The following CDKL5 variants were observed in gnomAD, a reference collection of about 807,000 sequenced individuals.
CDKL5 encodes cyclin-dependent kinase-like 5.
Under a neutral mutation model 61.7 loss-of-function variants are expected in CDKL5, and 8 were observed. The observed-to-expected ratio is 0.13, with a 90% CI of 0.08 to 0.23. The LOEUF (loss-of-function observed/expected upper bound fraction) is 0.23, where lower values mean the gene tolerates loss of function less well. CDKL5 is among the 10% of genes least tolerant of loss of function. The probability of loss-of-function intolerance (pLI) is 1.00; values close to 1 mark genes in which losing one functional copy is unlikely to be tolerated. For synonymous variants in CDKL5, 275 were observed against 272.3 expected (o/e 1.01, Z -0.10); for missense variants, 440 against 734.5 (o/e 0.60, Z 4.63).
chrX:18,523,720 C>A (rs905649111), intron 3 of CDKL5, among the ~76,000 whole-genome samples: 2 of 111,364 alleles, frequency 1.8e-5, no homozygotes, highest in African/African-American at 6.5e-5. Context: ...AGAATGTACA[C>A]CACATTTTGT....
At chrX:18,538,495 A>C (rs145835364) in intron 3 of CDKL5, among the ~76,000 whole-genome samples, 2,394 of 111,080 alleles carry the variant, frequency 0.022, 51 homozygotes, top group African/African-American at 0.062. Context: ...AATCTGAGAA[A>C]TCTGCCTGGC....
chrX:18,476,765 T>C (rs1921327934), intron 1 of CDKL5, among the ~76,000 whole-genome samples: 2 of 112,126 alleles, frequency 1.8e-5, no homozygotes, highest in Non-Finnish European at 3.8e-5. Flanking sequence ...AGACAACATA[T>C]AGTTGAATCT....
chrX:18,478,224 T>A (rs1384409707), intron 1 of CDKL5, among the ~76,000 whole-genome samples: 1 of 110,341 alleles, frequency 9.1e-6, no homozygotes, highest in Non-Finnish European at 1.9e-5. Flanking sequence ...TCCTTTTCTT[T>A]CATCGCTTTG....
In CDKL5 at chrX:18,634,515, C is replaced by T. The variant is rs137870603; in HGVS notation, c.*5758C>T. ...AAAACAAAAAAGATGCTTATCGTCC[C>T]GGAGAATGTGTAAGTAAGTTCTCCA... is the stretch of plus-strand genomic sequence containing the variant. On this transcript the variant is annotated 3_prime_UTR_variant, in exon 18 of 18. Transcript: ENST00000623535. 3.5e-4 allele frequency: 264 copies of T among 752,422 alleles called. No individual in the cohort carries two copies. The African/African-American group carries it at 4.0e-3, about 11-fold the overall frequency. The allele number at this position is 752,422 out of a possible 1,213,427, so 62.0% of individuals were successfully genotyped here.
intron 21 of CDKL5, among the ~76,000 whole-genome samples, chrX:18,651,900 A>C (rs1038595445): frequency 9.1e-6 from 1 of 110,407 alleles, no homozygotes; most frequent in African/African-American, 3.3e-5. Context: ...TCAGGTCCAC[A>C]TGTGGCCTGC....
At chrX:18,650,705 T>C (rs1381863100) in intron 21 of CDKL5, 23 of 887,956 alleles carry the variant, frequency 2.6e-5, no homozygotes, top group African/African-American at 3.9e-5. Flanking sequence ...TCTGACATCA[T>C]TGGCCTGGGC....
At chrX:18,619,410 G>A (rs940334169) in intron 15 of CDKL5, among the ~76,000 whole-genome samples, 1 of 111,425 alleles carries the variant, frequency 9.0e-6, no homozygotes, top group Non-Finnish European at 1.9e-5. Flanking sequence ...TTTTATAGCT[G>A]TATTGATCTT....
intron 3 of CDKL5, among the ~76,000 whole-genome samples, chrX:18,518,596 G>A (rs1246802370): frequency 9.4e-6 from 1 of 106,302 alleles, no homozygotes; most frequent in African/African-American, 3.4e-5. Flanking sequence ...AGTAGAGATG[G>A]CGTTTTACCA....
At position 18,646,009 on chromosome X, in the gene CDKL5, G is replaced by A. The variant is rs369009993; in HGVS notation, c.2716G>A (p.Gly906Ser). The change falls in exon 20 of 22, where the codon GGT becomes AGT. Residue 906 changes from glycine (G) to serine (S), a missense_variant and splice_region_variant. Coordinates refer to the CDKL5 transcript ENST00000379989. ...TTTTGTTTCTCCCCACTAACTAGAC[G>A]GTGGATGTGATGGCAGAAGACAGAG... The A allele has an allele frequency of 2.5e-5, 30 of 1,209,542 alleles. No homozygotes were observed. The highest frequency in any genetic ancestry group is 3.5e-5 in the African/African-American group (2 of 56,974).
chrX:18,561,055 C>T (rs1245791767), intron 3 of CDKL5, among the ~76,000 whole-genome samples: 1 of 110,350 alleles, frequency 9.1e-6, no homozygotes, highest in Non-Finnish European at 1.9e-5. Context: ...TTTTCTTCTT[C>T]TTGGAAAAAT....
chrX:18,468,754 T>A (rs886175147), intron 1 of CDKL5, among the ~76,000 whole-genome samples: 1 of 111,659 alleles, frequency 9.0e-6, no homozygotes, highest in African/African-American at 3.3e-5. Context: ...CTTCTAGGGT[T>A]GGGTTTTCAG....
chrX:18,502,681 G>A (rs1444636863), intron 1 of CDKL5, among the ~76,000 whole-genome samples: 2 of 111,609 alleles, frequency 1.8e-5, no homozygotes, highest in East Asian at 2.8e-4. Flanking sequence ...CTGAAGTATG[G>A]TCTATTCTGG....
rs1347822700 is a variant in CDKL5, at chrX:18,599,858, A to G, written c.977+1245A>G. 6.3e-5 allele frequency among the ~76,000 whole-genome samples: 7 copies of G among 111,940 alleles called. No individual in the cohort carries two copies. In the East Asian group the frequency reaches 2.0e-3, roughly 31 times the overall value. On this transcript the variant is annotated intron_variant, in intron 11 of 17. Coordinates refer to ENST00000623535, the MANE Select transcript of CDKL5 (RefSeq NM_001323289.2). ...TAGAACCATTGTTCTTTTTTGAGAC[A>G]GTGTCTTGCTCGATTGCTCAGGCTG...
chrX:18,623,671 A>G (rs780765863), intron 16 of CDKL5, among the ~76,000 whole-genome samples: 24 of 111,525 alleles, frequency 2.2e-4, no homozygotes, highest in African/African-American at 7.8e-4. Flanking sequence ...TTATATACTT[A>G]GAAGAAGTTT....
intron 9 of CDKL5, among the ~76,000 whole-genome samples, chrX:18,594,002 A>G (rs1262234254): frequency 1.8e-5 from 2 of 112,519 alleles, no homozygotes; most frequent in African/African-American, 6.5e-5. Context: ...TCCCAACCAG[A>G]CAGCAGATTC....
intron 1 of CDKL5, among the ~76,000 whole-genome samples, chrX:18,483,217 C>T (rs1921652907): frequency 9.0e-6 from 1 of 111,551 alleles, no homozygotes; most frequent in Admixed American, 9.6e-5. Context: ...ATCTTGAATC[C>T]TCTTCATTAG....
At chrX:18,516,092 A>G (rs1923004666) in intron 3 of CDKL5, among the ~76,000 whole-genome samples, 1 of 109,713 alleles carries the variant, frequency 9.1e-6, no homozygotes, top group Non-Finnish European at 1.9e-5. Context: ...GGTTCAAACA[A>G]TTCTTATACC....
chrX:18,629,322 T>C lies in CDKL5; in HGVS notation c.*565T>C. 1 of 647,563 alleles carries C rather than the reference T, an allele frequency of 1.5e-6. No individual in the cohort carries two copies. The highest frequency in any genetic ancestry group is 1.8e-6 in the Non-Finnish European group (1 of 542,458). The allele number at this position is 647,563 out of a possible 1,213,427, so 53.4% of individuals were successfully genotyped here. ...TTAATATTGTACTGTTAAAATCATA[T>C]CTTTTATGTTATAATGTAAAGTTAT... On this transcript the variant is annotated 3_prime_UTR_variant, in exon 18 of 18. Coordinates refer to ENST00000623535, the MANE Select transcript of CDKL5 (RefSeq NM_001323289.2).
chrX:18,444,539 C>G (rs991936367), intron 1 of CDKL5, among the ~76,000 whole-genome samples: 1 of 111,658 alleles, frequency 9.0e-6, no homozygotes, highest in Admixed American at 9.5e-5. Flanking sequence ...TGGTGTTGAA[C>G]TCTTGGTCTC....
Sources: allele counts gnomAD v4.1 joint callset (sites outside exome capture counted in the v4.1 genomes callset), GRCh38; gene constraint gnomAD v4.1.1; transcripts MANE v1.5; gene names NCBI Gene and HGNC (gene_info 2026-07-23, HGNC 2026-07-21).